The following PDE2A variants were observed in gnomAD, a reference collection of about 807,000 sequenced individuals.
The protein encoded by PDE2A is phosphodiesterase 2A.
Under a neutral mutation model 133.6 loss-of-function variants are expected in PDE2A, and 53 were observed. The observed-to-expected ratio is 0.40, with a 90% CI of 0.32 to 0.50. The LOEUF is 0.50. PDE2A is among the 20% of genes least tolerant of loss of function. The pLI is 0.73. For missense variants in PDE2A, 796 were observed against 1,232.4 expected, an observed-to-expected ratio of 0.65 and a Z score of 5.30; for synonymous variants, 491 against 490.2, an observed-to-expected ratio of 1.00 and a Z score of -0.02.
intron 25 of PDE2A, chr11:72,579,868 G>A (rs764871946): frequency 6.4e-6 from 3 of 465,810 alleles, no homozygotes; most frequent in Non-Finnish European, 1.1e-5. Flanking sequence ...AAGCTCTGGG[G>A]TCCCTGAAAG....
Position 72,642,301 on chromosome 11 carries a change from G to T in PDE2A, c.97C>A (p.Pro33Thr), listed in dbSNP as rs1239960540. 5 of 1,532,222 alleles carry T rather than the reference G, an allele frequency of 3.3e-6. No individual in the cohort carries two copies. Among genetic ancestry groups the T allele is most frequent in the Middle Eastern group, 1.7e-4 (1 of 5,914 alleles). 94.9% of individuals were successfully genotyped at this position (1,532,222 alleles called of 1,614,324 possible). Residue 33 changes from proline to threonine, a missense_variant, in exon 2 of 31, where the codon CCG becomes ACG. This residue lies in a region of PDE2A where 417 missense variants were observed against 475.3 expected (regional missense o/e 0.88). Coordinates refer to ENST00000334456, the MANE Select transcript of PDE2A (RefSeq NM_002599.5). ...TGCGGCGGCGGCGGCGGCTCGTCCG[G>T]CTTGAGGAAGACCTGCTGGCCCCGC... ...EPRGQQVFLKPDEPPPPPQPC... is the reference protein window; with the variant it reads ...EPRGQQVFLKTDEPPPPPQPC...
intron 2 of PDE2A, among the ~76,000 whole-genome samples, chr11:72,632,817 A>G (rs1437136988): frequency 1.3e-5 from 1 of 79,352 alleles, no homozygotes; most frequent in Admixed American, 1.5e-4. Context: ...CCCTCCCCCC[A>G]GCAGAGGCAC....
intron 1 of PDE2A, among the ~76,000 whole-genome samples, chr11:72,661,027 A>G (rs342322): frequency 0.55 from 83,716 of 151,870 alleles, 23,647 homozygotes; most frequent in Middle Eastern, 0.71. Flanking sequence ...TTCTGAGGTC[A>G]GGTGCAGTGG....
At chr11:72,600,107 G>A (rs1006917936) in intron 4 of PDE2A, among the ~76,000 whole-genome samples, 1 of 152,216 alleles carries the variant, frequency 6.6e-6, no homozygotes, top group South Asian at 2.1e-4. Flanking sequence ...CTGGACAGCC[G>A]AGAGCAAGGC....
chr11:72,647,234 T>C (rs1033596258), intron 1 of PDE2A, among the ~76,000 whole-genome samples: 1 of 152,236 alleles, frequency 6.6e-6, no homozygotes, highest in African/African-American at 2.4e-5. Flanking sequence ...CTGCCTGACA[T>C]GCATCTATCC....
intron 2 of PDE2A, among the ~76,000 whole-genome samples, chr11:72,632,790 C>A (rs1477710986): frequency 1.3e-5 from 2 of 152,028 alleles, no homozygotes; most frequent in African/African-American, 4.8e-5. Context: ...CACCTCCCAC[C>A]ACCCCCAGGA....
intron 1 of PDE2A, among the ~76,000 whole-genome samples, chr11:72,673,028 C>G (rs1855419208): frequency 6.6e-6 from 1 of 151,960 alleles, no homozygotes; most frequent in Non-Finnish European, 1.5e-5. Context: ...TACACACTAG[C>G]ACCATGATCA....
chr11:72,633,335 A>C (rs1858515606), intron 2 of PDE2A, among the ~76,000 whole-genome samples: 1 of 152,132 alleles, frequency 6.6e-6, no homozygotes, highest in South Asian at 2.1e-4. Flanking sequence ...CCCACCCAGC[A>C]ACAGGAAGCT....
chr11:72,600,964 C>A (rs1856715526), intron 4 of PDE2A, among the ~76,000 whole-genome samples: 1 of 151,646 alleles, frequency 6.6e-6, no homozygotes, highest in Non-Finnish European at 1.5e-5. Flanking sequence ...GGGCCAACAG[C>A]CTGGAAAGAG....
intron 2 of PDE2A, 51 bp from the exon 3 acceptor site, chr11:72,608,802 G>T: frequency 1.0e-6 from 1 of 983,668 alleles, no homozygotes; most frequent in Non-Finnish European, 1.6e-6. Context: ...GGCCAGGGCA[G>T]CCCCATCTGC....
rs10552751 is a variant in PDE2A, at chr11:72,673,398, T to TACACACACAC, written c.71+729_71+738dup. Among the ~76,000 whole-genome samples, 487 of 148,446 alleles carry TACACACACAC rather than the reference T, an allele frequency of 3.3e-3. 5 individuals are homozygous for TACACACACAC. Among genetic ancestry groups the TACACACACAC allele is most frequent in the African/African-American group, 9.7e-3 (388 of 39,914 alleles). ...ACATGTCCCTTACATTCCACATGTATACACACACACACACACACACATACC... is the reference window on the plus strand; with the variant it reads ...ACATGTCCCTTACATTCCACATGTATACACACACACACACACACACACACACACACATACC... On this transcript the variant is annotated intron_variant, in intron 1 of 30. Coordinates refer to ENST00000334456, the MANE Select transcript of PDE2A (RefSeq NM_002599.5).
chr11:72,603,935 G>A (rs1371932752), intron 4 of PDE2A, among the ~76,000 whole-genome samples: 1 of 152,232 alleles, frequency 6.6e-6, no homozygotes, highest in Non-Finnish European at 1.5e-5. Flanking sequence ...TCAGGACCAT[G>A]AGTCCAGCAT....
intron 2 of PDE2A, among the ~76,000 whole-genome samples, chr11:72,641,654 G>A (rs972892077): frequency 6.6e-6 from 1 of 152,240 alleles, no homozygotes; most frequent in African/African-American, 2.4e-5. Flanking sequence ...TCCAACACAG[G>A]AGGGAGGGAA....
chr11:72,579,489 C>G, intron 26 of PDE2A, 45 bp downstream of exon 26: 1 of 1,565,500 alleles, frequency 6.4e-7, no homozygotes, highest in Non-Finnish European at 8.7e-7. Flanking sequence ...CTCCAGCCAG[C>G]TCCCAGCTCC....
chr11:72,642,560 C>A (rs1859008084), intron 1 of PDE2A: 1 of 235,822 alleles, frequency 4.2e-6, no homozygotes, highest in South Asian at 1.4e-4. Context: ...CTCGGCCCGT[C>A]GGATCCTCCG....
intron 1 of PDE2A, chr11:72,659,357 A>G (rs1854986992): frequency 6.6e-6 from 1 of 151,364 alleles, no homozygotes; most frequent in East Asian, 1.9e-4. Flanking sequence ...TTTCTTCCTT[A>G]GGACCTCAGT....
At chr11:72,585,459 G>C in intron 15 of PDE2A, 25 bp from the exon 16 acceptor site, 1 of 1,613,428 alleles carries the variant, frequency 6.2e-7, no homozygotes, top group East Asian at 2.2e-5. Flanking sequence ...AGACCAGGCA[G>C]GGTGAGACCA....
intron 1 of PDE2A, among the ~76,000 whole-genome samples, chr11:72,666,480 C>T (rs1855236214): frequency 6.6e-6 from 1 of 152,114 alleles, no homozygotes; most frequent in African/African-American, 2.4e-5. Context: ...CAACCTGAGA[C>T]TGAACACAAA....
intron 26 of PDE2A, 30 bp downstream of exon 26, chr11:72,579,504 C>T: frequency 6.4e-7 from 1 of 1,556,630 alleles, no homozygotes; most frequent in Non-Finnish European, 8.8e-7. Flanking sequence ...AGCTCCCCCT[C>T]AATCCCCACC....
Sources: allele counts gnomAD v4.1 joint callset (sites outside exome capture counted in the v4.1 genomes callset), GRCh38; gene constraint gnomAD v4.1.1; regional missense constraint gnomAD v4.1.1; transcripts MANE v1.5; gene names NCBI Gene and HGNC (gene_info 2026-07-23, HGNC 2026-07-21).